The following UNC13C variants were observed in gnomAD, a reference collection of about 807,000 sequenced individuals.
UNC13C encodes the protein protein unc-13 homolog C.
A neutral mutation model predicts 245.4 loss-of-function variants in UNC13C; 174 were observed. The ratio of observed to expected loss-of-function variants is 0.71; its 90% confidence interval spans 0.63 to 0.80. The LOEUF (loss-of-function observed/expected upper bound fraction) is 0.80, where lower values mean the gene tolerates loss of function less well. UNC13C is among the 30% of genes least tolerant of loss of function. UNC13C has a pLI of 0.00. For synonymous variants in UNC13C, 992 were observed against 895.1 expected (o/e 1.11, Z -1.93); for missense variants, 2,829 against 2,602.9 (o/e 1.09, Z -1.89).
intron 17 of UNC13C, among the ~76,000 whole-genome samples, chr15:54,383,059 C>A (rs2039761853): frequency 6.6e-6 from 1 of 152,070 alleles, no homozygotes; most frequent in Non-Finnish European, 1.5e-5. Context: ...AATGGAAATT[C>A]TATGAACAAA....
rs568802906 is a variant in UNC13C, at chr15:54,494,183, G to A, written c.4934-425G>A. Among the ~76,000 whole-genome samples, 53 of 152,158 alleles carry A rather than the reference G, an allele frequency of 3.5e-4. 1 individual carries two copies. The South Asian group carries it at 7.3e-3, about 21-fold the overall frequency. ...AACAACATGGCACATGTATACATAC[G>A]TAACAAACCTGCACGTTGTGCACAT... is the stretch of plus-strand genomic sequence containing the variant. On this transcript the variant is annotated intron_variant, in intron 19 of 32. Transcript: ENST00000260323.
At chr15:54,505,485 G>C (rs1340057665) in intron 22 of UNC13C, among the ~76,000 whole-genome samples, 1 of 152,198 alleles carries the variant, frequency 6.6e-6, no homozygotes, top group Admixed American at 6.6e-5. Context: ...CCCAGGTGAT[G>C]CTTATAATGG....
At chr15:54,049,870 AT>A (rs922844000) in intron 2 of UNC13C, 2 of 232,022 alleles carry the variant, frequency 8.6e-6, no homozygotes, top group African/African-American at 2.4e-5. Flanking sequence ...CATGCCTTAT[AT>A]TTACAGTCTT....
chr15:54,012,976 A>G lies in UNC13C; in HGVS notation c.73A>G (p.Lys25Glu), dbSNP rs763832948. The change falls in exon 2 of 33, where the codon AAA becomes GAA. Residue 25 changes from lysine to glutamate, a missense_variant. Physicochemically the swap from Lys to Glu is moderately conservative, Grantham distance 56. Transcript: ENST00000260323. ...GCTTTGCAAAGGAATGTTTACAAAGAAATTGGGAAATACAAACAAAAACAA... is the reference window on the plus strand; with the variant it reads ...GCTTTGCAAAGGAATGTTTACAAAGGAATTGGGAAATACAAACAAAAACAA... ...HKLCKGMFTK[K>E]LGNTNKNKEY... 2 of 1,613,764 alleles carry G rather than the reference A, an allele frequency of 1.2e-6. No homozygotes were observed. Among genetic ancestry groups the G allele is most frequent in the Non-Finnish European group, 1.7e-6 (2 of 1,179,842 alleles).
intron 1 of UNC13C, among the ~76,000 whole-genome samples, chr15:54,000,499 T>C (rs1175250645): frequency 6.6e-6 from 1 of 152,126 alleles, no homozygotes; most frequent in Non-Finnish European, 1.5e-5. Flanking sequence ...TTTAGTAAAA[T>C]CTAAGAGTAA....
chr15:54,028,705 T>G (rs933667892), intron 2 of UNC13C, among the ~76,000 whole-genome samples: 4 of 147,570 alleles, frequency 2.7e-5, no homozygotes, highest in African/African-American at 1.0e-4. Flanking sequence ...TTTTTTTTTT[T>G]GAGACGGAGT....
At chr15:54,315,863 TAA>T (rs2037995263) in intron 13 of UNC13C, among the ~76,000 whole-genome samples, 1 of 152,014 alleles carries the variant, frequency 6.6e-6, no homozygotes, top group Admixed American at 6.6e-5. Context: ...TTATGAATTC[TAA>T]GTCCTGACAG....
chr15:53,976,116 C>T (rs1175075616), upstream of UNC13C, among the ~76,000 whole-genome samples: 1 of 152,086 alleles, frequency 6.6e-6, no homozygotes, highest in African/African-American at 2.4e-5. Flanking sequence ...TTTGATGTCC[C>T]TGCAGGTCAA....
intron 25 of UNC13C, among the ~76,000 whole-genome samples, chr15:54,526,755 A>G (rs1011633961): frequency 4.0e-5 from 6 of 151,512 alleles, no homozygotes; most frequent in African/African-American, 1.5e-4. Flanking sequence ...AAAAAAAAAA[A>G]AAAAAAAAAG....
chr15:54,328,743 C>A (rs1225823327), intron 14 of UNC13C, among the ~76,000 whole-genome samples: 1 of 152,020 alleles, frequency 6.6e-6, no homozygotes, highest in East Asian at 1.9e-4. Flanking sequence ...TGCCCATGGG[C>A]CAAATGCAGT....
intron 2 of UNC13C, among the ~76,000 whole-genome samples, chr15:54,111,803 G>A (rs574659632): frequency 7.4e-4 from 113 of 152,284 alleles, no homozygotes; most frequent in South Asian, 1.7e-3. Context: ...GCTGTGTTTG[G>A]TGGTGAACAG....
intron 19 of UNC13C, among the ~76,000 whole-genome samples, chr15:54,447,666 C>T (rs1024725680): frequency 2.0e-5 from 3 of 151,866 alleles, no homozygotes; most frequent in African/African-American, 7.3e-5. Context: ...TCTCTCTTTT[C>T]TTCTTTATTA....
At chr15:54,578,919 A>G (rs1019259834) in intron 30 of UNC13C, among the ~76,000 whole-genome samples, 1 of 152,210 alleles carries the variant, frequency 6.6e-6, no homozygotes, top group Non-Finnish European at 1.5e-5. Flanking sequence ...TGTGACAGTC[A>G]TCTCACCCAA....
intron 2 of UNC13C, among the ~76,000 whole-genome samples, chr15:54,042,846 C>T (rs1177460666): frequency 6.6e-6 from 1 of 152,006 alleles, no homozygotes; most frequent in African/African-American, 2.4e-5. Flanking sequence ...GAGCGAGACT[C>T]TGTCTCAGAA....
At chr15:53,941,762 A>G in the UNC13C span, among the ~76,000 whole-genome samples, 2 of 152,224 alleles carry the variant, frequency 1.3e-5, no homozygotes, top group East Asian at 3.8e-4. Context: ...ATGAACAGAC[A>G]TCTCCCAAAA....
chr15:54,387,806 G>A (rs2039869939), intron 17 of UNC13C, among the ~76,000 whole-genome samples: 1 of 151,974 alleles, frequency 6.6e-6, no homozygotes, highest in African/African-American at 2.4e-5. Context: ...AAAATATTCA[G>A]GCTTACATCT....
intron 30 of UNC13C, among the ~76,000 whole-genome samples, chr15:54,606,268 T>C (rs370724231): frequency 6.6e-5 from 10 of 152,338 alleles, no homozygotes; most frequent in South Asian, 6.2e-4. Flanking sequence ...TGGAATCTTA[T>C]TGAAAATGAC....
intron 1 of UNC13C, among the ~76,000 whole-genome samples, chr15:53,996,266 C>T (rs1186950129): frequency 1.3e-5 from 2 of 152,216 alleles, no homozygotes; most frequent in African/African-American, 4.8e-5. Flanking sequence ...GACAGTGAAG[C>T]TTTGGACAAC....
At chr15:54,132,792 T>C (rs2031508941) in intron 2 of UNC13C, among the ~76,000 whole-genome samples, 1 of 152,184 alleles carries the variant, frequency 6.6e-6, no homozygotes, top group South Asian at 2.1e-4. Flanking sequence ...CCAAAGAAGA[T>C]AATGAATTAT....
Sources: allele counts gnomAD v4.1 joint callset (sites outside exome capture counted in the v4.1 genomes callset), GRCh38; gene constraint gnomAD v4.1.1; transcripts MANE v1.5; gene names NCBI Gene and HGNC (gene_info 2026-07-23, HGNC 2026-07-21).